NYAP2: variants seen among roughly 807,000 people sequenced by gnomAD.
NYAP2 encodes neuronal tyrosine-phosphorylated phosphoinositide-3-kinase adaptor 2.
A neutral mutation model predicts 50.4 loss-of-function variants in NYAP2; 23 were observed. The ratio of observed to expected loss-of-function variants is 0.46; its 90% CI spans 0.33 to 0.65. NYAP2 has a LOEUF of 0.65. Ranked by LOEUF, NYAP2 falls within the 30% of genes least tolerant of loss-of-function variation. The pLI is 0.02. For synonymous variants in NYAP2, 394 were observed against 365.2 expected, an observed-to-expected ratio of 1.08 and a Z score of -0.90; for missense variants, 885 against 861.0, an observed-to-expected ratio of 1.03 and a Z score of -0.35.
chr2:225,408,844 A>T lies in NYAP2; in HGVS notation c.-17-20A>T, dbSNP rs1434526780. 1.4e-6 allele frequency: 2 copies of T among 1,429,648 alleles called. No homozygotes were observed. The highest frequency in any genetic ancestry group is 2.0e-6 in the Non-Finnish European group (2 of 1,020,992). 88.6% of individuals were successfully genotyped at this position (1,429,648 alleles called of 1,614,324 possible). On this transcript the variant is annotated intron_variant, in intron 2 of 6. Coordinates refer to ENST00000636099, the Ensembl canonical transcript of NYAP2. ...TTTTCCCCACCCTGGATAAAAGTAAAATGTGTTCTCACCCTGCAGGCAGTG... is the reference window on the plus strand; with the variant it reads ...TTTTCCCCACCCTGGATAAAAGTAATATGTGTTCTCACCCTGCAGGCAGTG...
At chr2:225,539,700 T>A (rs1014408697) in intron 4 of NYAP2, among the ~76,000 whole-genome samples, 19 of 152,226 alleles carry the variant, frequency 1.2e-4, no homozygotes, top group Admixed American at 1.2e-3. Context: ...TGTTTGATTT[T>A]TTTTTTCTGA....
chr2:225,429,180 G>A (rs745388901), intron 3 of NYAP2, among the ~76,000 whole-genome samples: 4 of 152,004 alleles, frequency 2.6e-5, no homozygotes, highest in Non-Finnish European at 4.4e-5. Context: ...TTTGGCTGGG[G>A]GTGTCGAGGG....
At chr2:225,408,820 T>A in intron 2 of NYAP2, 44 bp from the exon 3 acceptor site, 5 of 1,157,558 alleles carry the variant, frequency 4.3e-6, no homozygotes, top group Non-Finnish European at 6.4e-6. Context: ...ACCTTGCTTT[T>A]TTCCCCACCC....
At chr2:225,638,245 G>T (rs974791558) in intron 6 of NYAP2, among the ~76,000 whole-genome samples, 1 of 151,298 alleles carries the variant, frequency 6.6e-6, no homozygotes, top group African/African-American at 2.4e-5. Flanking sequence ...ACAGAGAGAT[G>T]AGTGTCCATC....
the NYAP2 span, among the ~76,000 whole-genome samples, chr2:225,660,898 A>C: frequency 6.6e-6 from 1 of 152,148 alleles, no homozygotes; most frequent in Non-Finnish European, 1.5e-5. Flanking sequence ...AAAATGAATC[A>C]CAGCTACTGA....
intron 5 of NYAP2, among the ~76,000 whole-genome samples, chr2:225,620,042 A>G (rs1303482965): frequency 6.6e-6 from 1 of 152,206 alleles, no homozygotes; most frequent in South Asian, 2.1e-4. Context: ...TGTAACTGTG[A>G]ACACTTAAAA....
rs974514188 is a variant in NYAP2 at position 225,582,817 on chromosome 2, G to A, written c.1400G>A (p.Arg467Lys). Residue 467 changes from arginine (R) to lysine (K), a missense_variant, in exon 5 of 7, where the codon AGG becomes AAG. Arg to Lys is a conservative substitution (Grantham distance 26). Transcript: ENST00000636099. The surrounding 1 kb of genome is among the most constrained non-coding windows in gnomAD (Gnocchi z 7.0). ...GCTGTGCATTCGGGCAGCCTCTCAAGGAGCTCTCCTTCAGTGCCTCACTCG... is the reference window on the plus strand; with the variant it reads ...GCTGTGCATTCGGGCAGCCTCTCAAAGAGCTCTCCTTCAGTGCCTCACTCG... 1 of 1,613,908 alleles carries A rather than the reference G, an allele frequency of 6.2e-7. No homozygotes were observed. Among genetic ancestry groups the A allele is most frequent in the Non-Finnish European group, 8.5e-7 (1 of 1,179,886 alleles).
intron 3 of NYAP2, among the ~76,000 whole-genome samples, chr2:225,485,145 GT>G (rs746409338): frequency 5.9e-5 from 9 of 152,150 alleles, no homozygotes; most frequent in Non-Finnish European, 7.3e-5. Flanking sequence ...CATGGGGGTG[GT>G]TTCCCCCATA....
the NYAP2 span, among the ~76,000 whole-genome samples, chr2:225,692,328 T>C: frequency 6.6e-6 from 1 of 152,176 alleles, no homozygotes; most frequent in African/African-American, 2.4e-5. Flanking sequence ...AGATTTATTA[T>C]GGCACTGCAT....
At chr2:225,432,487 A>T (rs1344676904) in intron 3 of NYAP2, among the ~76,000 whole-genome samples, 1 of 150,334 alleles carries the variant, frequency 6.7e-6, no homozygotes, top group African/African-American at 2.4e-5. Flanking sequence ...ATATATAAAT[A>T]GAGAGATATA....
At chr2:225,657,701 A>G (rs1193814319), downstream of NYAP2, among the ~76,000 whole-genome samples, 1 of 152,140 alleles carries the variant, frequency 6.6e-6, no homozygotes, top group Non-Finnish European at 1.5e-5. Context: ...TTCTCAGGCC[A>G]CTATGAGCAT....
chr2:225,478,478 T>C (rs905561220), intron 3 of NYAP2, among the ~76,000 whole-genome samples: 2 of 152,220 alleles, frequency 1.3e-5, no homozygotes, highest in African/African-American at 4.8e-5. Flanking sequence ...AAGAAGTATA[T>C]GGTCATAAAT....
intron 3 of NYAP2, among the ~76,000 whole-genome samples, chr2:225,417,307 G>A (rs1444023974): frequency 6.6e-6 from 1 of 152,116 alleles, no homozygotes; most frequent in African/African-American, 2.4e-5. Context: ...TAAAGAAAAT[G>A]TCTTCATTAT....
At chr2:225,574,834 C>T (rs79591658) in intron 4 of NYAP2, among the ~76,000 whole-genome samples, 2,819 of 152,222 alleles carry the variant, frequency 0.019, 94 homozygotes, top group African/African-American at 0.064. Flanking sequence ...AACAGGGGCT[C>T]TTATAGTCAA....
At chr2:225,517,888 G>T (rs1690963667) in intron 4 of NYAP2, among the ~76,000 whole-genome samples, 1 of 152,098 alleles carries the variant, frequency 6.6e-6, no homozygotes, top group South Asian at 2.1e-4. Context: ...ACTATTGATA[G>T]ACATTAAGAT....
intron 4 of NYAP2, among the ~76,000 whole-genome samples, chr2:225,540,162 T>C (rs1691432677): frequency 6.6e-6 from 1 of 152,184 alleles, no homozygotes; most frequent in Non-Finnish European, 1.5e-5. Context: ...TTTTCCCAAG[T>C]TTTCCTGTCT....
chr2:225,645,623 G>GAAA (rs1231533411), intron 6 of NYAP2, among the ~76,000 whole-genome samples: 3 of 152,146 alleles, frequency 2.0e-5, no homozygotes, highest in African/African-American at 7.2e-5. Flanking sequence ...TTCAAAGGAA[G>GAAA]AAATATTTCC....
intron 4 of NYAP2, among the ~76,000 whole-genome samples, chr2:225,559,225 A>G (rs553371590): frequency 6.6e-6 from 1 of 152,096 alleles, no homozygotes; most frequent in East Asian, 1.9e-4. Context: ...TGCTTCTCTA[A>G]TCATAATCCT....
At chr2:225,639,884 G>A (rs954075800) in intron 6 of NYAP2, among the ~76,000 whole-genome samples, 1 of 152,122 alleles carries the variant, frequency 6.6e-6, no homozygotes, top group Admixed American at 6.6e-5. Flanking sequence ...AGGTGAGTTA[G>A]GAGGAAGAGC....
Sources: allele counts gnomAD v4.1 joint callset (sites outside exome capture counted in the v4.1 genomes callset), GRCh38; gene constraint gnomAD v4.1.1; non-coding constraint Gnocchi (gnomAD v3.1); transcripts MANE v1.5; gene names NCBI Gene and HGNC (gene_info 2026-07-23, HGNC 2026-07-21).